CPQ: variants seen among roughly 807,000 people sequenced by gnomAD.
The protein encoded by CPQ is carboxypeptidase Q, also known as Ser-Met dipeptidase.
A neutral mutation model predicts 45.7 loss-of-function variants in CPQ; 37 were observed. That is an observed-to-expected ratio of 0.81 (90% CI 0.62 to 1.07). CPQ has a LOEUF of 1.07. CPQ is among the 50% of genes least tolerant of loss of function. The pLI, the probability that CPQ is intolerant of heterozygous loss-of-function variation, is 0.00. For missense variants in CPQ, 537 were observed against 572.9 expected (o/e 0.94, Z 0.64); for synonymous variants, 186 against 205.8 (o/e 0.90, Z 0.82).
rs113385661 is a variant in CPQ at position 96,802,112 on chromosome 8, T to G, written c.433+16782T>G. ...TATCTCCCTCTCCCTTTCTTTCTCTTTGTCTCTTTCTTTATTTTTGACTGT... is the reference window on the plus strand; with the variant it reads ...TATCTCCCTCTCCCTTTCTTTCTCTGTGTCTCTTTCTTTATTTTTGACTGT... On this transcript the variant is annotated intron_variant, in intron 2 of 7. Coordinates refer to ENST00000220763, the MANE Select transcript of CPQ (RefSeq NM_016134.4). 1.1e-3 allele frequency among the ~76,000 whole-genome samples: 172 copies of G among 152,254 alleles called. 1 individual carries two copies. Among genetic ancestry groups the G allele is most frequent in the African/African-American group, 3.3e-3 (138 of 41,572 alleles).
chr8:96,704,313 G>A (rs1449942641), intron 1 of CPQ, among the ~76,000 whole-genome samples: 4 of 152,146 alleles, frequency 2.6e-5, no homozygotes, highest in African/African-American at 7.2e-5. Flanking sequence ...CAGAAACTTC[G>A]TCTTTCCTAT....
Position 97,110,575 on chromosome 8 carries a change from T to G in CPQ, c.1256-32445T>G, listed in dbSNP as rs145161954. 6.0e-3 allele frequency among the ~76,000 whole-genome samples: 918 copies of G among 152,346 alleles called. 7 individuals are homozygous for G. Among genetic ancestry groups the G allele is most frequent in the African/African-American group, 0.021 (881 of 41,584 alleles). ...AAGTGGTTTTTACCCCTTTTCATTC[T>G]TCACATCCCACCAGCAGTGTGCATG... On this transcript the variant is annotated intron_variant, in intron 7 of 7. Coordinates refer to ENST00000220763, the MANE Select transcript of CPQ (RefSeq NM_016134.4).
intron 5 of CPQ, among the ~76,000 whole-genome samples, chr8:96,985,209 A>G (rs1436011615): frequency 2.6e-5 from 4 of 152,030 alleles, no homozygotes; most frequent in Non-Finnish European, 5.9e-5. Context: ...ACACTTTAAA[A>G]AAATATTTCC....
At chr8:97,039,295 G>A (rs529823877) in intron 6 of CPQ, among the ~76,000 whole-genome samples, 55 of 152,228 alleles carry the variant, frequency 3.6e-4, no homozygotes, top group African/African-American at 1.3e-3. Flanking sequence ...TATTTTAAAT[G>A]TTTACACATA....
chr8:96,888,629 A>C (rs1162743704), intron 4 of CPQ, among the ~76,000 whole-genome samples: 1 of 152,200 alleles, frequency 6.6e-6, no homozygotes, highest in Middle Eastern at 3.2e-3. Flanking sequence ...CTATTCAAAA[A>C]GTTAAACAGG....
intron 4 of CPQ, among the ~76,000 whole-genome samples, chr8:96,935,992 C>G (rs966317133): frequency 6.6e-6 from 1 of 151,870 alleles, no homozygotes; most frequent in South Asian, 2.1e-4. Flanking sequence ...ATGAACATAA[C>G]CAATGTCTTA....
rs1485401441 is a variant in CPQ at position 96,932,300 on chromosome 8, G to C, written c.850-33635G>C. ...AAAAGTTTGTATATATTATTCCTAT[G>C]TGCATTTTGATTATTTTTATTACAT... On this transcript the variant is annotated intron_variant, in intron 4 of 7. Transcript: ENST00000220763. 2.6e-5 allele frequency among the ~76,000 whole-genome samples: 4 copies of C among 152,034 alleles called. No homozygotes were observed. In the South Asian group the frequency reaches 8.3e-4, roughly 32 times the overall value.
intron 1 of CPQ, among the ~76,000 whole-genome samples, chr8:96,770,173 G>A (rs1810522280): frequency 6.6e-6 from 1 of 152,162 alleles, no homozygotes; most frequent in South Asian, 2.1e-4. Flanking sequence ...ATGGCCATAT[G>A]ATGTCTGAGA....
intron 6 of CPQ, among the ~76,000 whole-genome samples, chr8:97,045,925 A>T (rs539232243): frequency 6.6e-6 from 1 of 152,362 alleles, no homozygotes; most frequent in Admixed American, 6.5e-5. Context: ...GAGACGCAGT[A>T]TCCAGAAGCC....
chr8:96,811,188 T>G (rs1283979595), intron 2 of CPQ, among the ~76,000 whole-genome samples: 1 of 152,202 alleles, frequency 6.6e-6, no homozygotes, highest in Non-Finnish European at 1.5e-5. Context: ...TCCACAAGTC[T>G]TAAAATCTGA....
intron 1 of CPQ, among the ~76,000 whole-genome samples, chr8:96,719,716 G>T (rs1809736704): frequency 6.6e-6 from 1 of 152,180 alleles, no homozygotes; most frequent in Admixed American, 6.5e-5. Flanking sequence ...GTAGGATCAG[G>T]AATGGCTTCC....
At chr8:96,708,199 A>G (rs1809558244) in intron 1 of CPQ, among the ~76,000 whole-genome samples, 1 of 151,878 alleles carries the variant, frequency 6.6e-6, no homozygotes, top group South Asian at 2.1e-4. Context: ...CCTTACACTT[A>G]TAAGGATTCT....
intron 7 of CPQ, among the ~76,000 whole-genome samples, chr8:97,137,963 C>T (rs1812092937): frequency 6.6e-6 from 1 of 152,152 alleles, no homozygotes; most frequent in East Asian, 1.9e-4. Flanking sequence ...AAGATGTCAT[C>T]ATCTGGCCCT....
At chr8:96,756,063 A>G (rs1319096176) in intron 1 of CPQ, among the ~76,000 whole-genome samples, 3 of 152,000 alleles carry the variant, frequency 2.0e-5, no homozygotes, top group Admixed American at 2.0e-4. Context: ...ACTCTAAATA[A>G]TGTGTTTAGA....
intron 1 of CPQ, among the ~76,000 whole-genome samples, chr8:96,658,734 G>C (rs1467886446): frequency 2.0e-5 from 3 of 152,228 alleles, no homozygotes; most frequent in Admixed American, 6.5e-5. Flanking sequence ...TGTTCAAAGA[G>C]AGACAGTGCC....
chr8:96,767,987 G>C (rs1810491279), intron 1 of CPQ, among the ~76,000 whole-genome samples: 1 of 151,888 alleles, frequency 6.6e-6, no homozygotes, highest in African/African-American at 2.4e-5. Context: ...CTCACCTCCA[G>C]CCTGGGATGT....
intron 6 of CPQ, among the ~76,000 whole-genome samples, chr8:97,045,624 A>G (rs1282309591): frequency 6.6e-6 from 1 of 152,230 alleles, no homozygotes; most frequent in Non-Finnish European, 1.5e-5. Context: ...CTATTCAGCC[A>G]TCTTGGCTCA....
chr8:97,035,701 TATTG>T (rs1809990635), intron 6 of CPQ, among the ~76,000 whole-genome samples: 1 of 12,064 alleles, frequency 8.3e-5, no homozygotes, highest in Non-Finnish European at 1.9e-4. Context: ...TGTTTGTTTG[TATTG>T]TTTTGTTTTC....
At chr8:97,061,556 T>C (rs1215403378) in intron 6 of CPQ, among the ~76,000 whole-genome samples, 1 of 152,080 alleles carries the variant, frequency 6.6e-6, no homozygotes, top group Non-Finnish European at 1.5e-5. Flanking sequence ...GTGGGAAAGT[T>C]AGTCAACCTG....
Sources: allele counts gnomAD v4.1 joint callset (sites outside exome capture counted in the v4.1 genomes callset), GRCh38; gene constraint gnomAD v4.1.1; transcripts MANE v1.5; gene names NCBI Gene and HGNC (gene_info 2026-07-23, HGNC 2026-07-21).